The following MTHFD1 variants were observed in gnomAD, a reference collection of about 807,000 sequenced individuals.
MTHFD1 encodes the protein methylenetetrahydrofolate dehydrogenase, cyclohydrolase and formyltetrahydrofolate synthetase 1.
Under a neutral mutation model 110.3 loss-of-function variants are expected in MTHFD1, and 44 were observed. The ratio of observed to expected loss-of-function variants is 0.40; its 90% confidence interval spans 0.31 to 0.51. The LOEUF (loss-of-function observed/expected upper bound fraction) is 0.51, where lower values mean the gene tolerates loss of function less well. Ranked by LOEUF, MTHFD1 falls within the 20% of genes least tolerant of loss-of-function variation. MTHFD1 has a pLI of 0.60. For missense variants in MTHFD1, 909 were observed against 1,173.1 expected (o/e 0.77, Z 3.29); for synonymous variants, 402 against 428.8 (o/e 0.94, Z 0.77).
rs1282619030 is a variant in MTHFD1, at chr14:64,444,706, T to G, written c.2150T>G (p.Leu717Arg). 2.5e-6 allele frequency: 4 copies of G among 1,614,150 alleles called. No homozygotes were observed. Among genetic ancestry groups the G allele is most frequent in the Non-Finnish European group, 3.4e-6 (4 of 1,179,986 alleles). ...TTTTCCTTCCAGGTCACTGCTGGAC[T>G]GCCTCTTCCCAAGGCTTACATACAG... ...HGGGPTVTAG[L>R]PLPKAYIQEN... Residue 717 changes from leucine (L) to arginine (R), a missense_variant, in exon 22 of 28, where the codon CTG (leucine) becomes CGG (arginine). Leu to Arg is a moderately radical substitution (Grantham distance 102). Coordinates refer to ENST00000652337, the MANE Select transcript of MTHFD1 (RefSeq NM_005956.4).
chr14:64,426,087 T>C lies in MTHFD1; in HGVS notation c.1022T>C (p.Leu341Pro). ...AAGCTGGCTCGAGAAATTGGTCTGC[T>C]GTCTGAAGAGGTAGAATTATATGGT... ...IGKLAREIGL[L>P]SEEVELYGET... Residue 341 changes from leucine to proline, a missense_variant, in exon 11 of 28, where the codon CTG becomes CCG. Physicochemically the swap from Leu to Pro is moderately conservative, Grantham distance 98 (BLOSUM62 -3). Around this residue, in one of 3 missense-constraint regions of MTHFD1, gnomAD observed 424 missense variants for 510.4 expected, o/e 0.83. Transcript: ENST00000652337. 1 of 1,614,074 alleles carries C rather than the reference T, an allele frequency of 6.2e-7. No individual in the cohort carries two copies. The highest frequency in any genetic ancestry group is 8.5e-7 in the Non-Finnish European group (1 of 1,180,048).
At chr14:64,421,996 A>G (rs1001124852) in intron 8 of MTHFD1, among the ~76,000 whole-genome samples, 2 of 151,928 alleles carry the variant, frequency 1.3e-5, no homozygotes, top group East Asian at 1.9e-4. Flanking sequence ...TTTGGATTAC[A>G]TGTGAGAAAT....
chr14:64,446,958 A>T (rs1234045948), intron 22 of MTHFD1, among the ~76,000 whole-genome samples: 1 of 151,578 alleles, frequency 6.6e-6, no homozygotes, highest in Admixed American at 6.6e-5. Context: ...CCCCGCTTCA[A>T]CCTCCCAACT....
At chr14:64,431,034 C>T (rs1305325936) in intron 13 of MTHFD1, among the ~76,000 whole-genome samples, 1 of 151,342 alleles carries the variant, frequency 6.6e-6, no homozygotes, top group East Asian at 1.9e-4. Context: ...CTTCTGTGGA[C>T]AGATAATTAG....
At chr14:64,388,648 A>G in intron 1 of MTHFD1, 180 bp downstream of exon 1, 2 of 695,402 alleles carry the variant, frequency 2.9e-6, no homozygotes, top group South Asian at 3.2e-5. Context: ...TTGCAAGTGG[A>G]CTGCCTAGTG....
chr14:64,409,363 G>A (rs1479241317), intron 2 of MTHFD1, among the ~76,000 whole-genome samples: 1 of 152,204 alleles, frequency 6.6e-6, no homozygotes, highest in East Asian at 1.9e-4. Context: ...CTTGAAACAT[G>A]AATGAAGATA....
chr14:64,440,424 A>T (rs1202664246), intron 18 of MTHFD1, 158 bp downstream of exon 18: 3 of 919,622 alleles, frequency 3.3e-6, no homozygotes, highest in South Asian at 2.8e-5. Context: ...TAATTATGAA[A>T]TGTTTAAAAA....
intron 15 of MTHFD1, among the ~76,000 whole-genome samples, chr14:64,432,239 A>G (rs1395345680): frequency 6.6e-6 from 1 of 152,168 alleles, no homozygotes; most frequent in Non-Finnish European, 1.5e-5. Context: ...CTTGTCTGTA[A>G]AATAATACTT....
intron 2 of MTHFD1, among the ~76,000 whole-genome samples, chr14:64,410,093 C>T (rs1013417351): frequency 2.0e-5 from 3 of 152,098 alleles, no homozygotes; most frequent in African/African-American, 7.2e-5. Flanking sequence ...TAAAATTTTA[C>T]AAATAAATGG....
At chr14:64,438,030 CA>C (rs2078219868) in intron 16 of MTHFD1, among the ~76,000 whole-genome samples, 1 of 152,196 alleles carries the variant, frequency 6.6e-6, no homozygotes. Flanking sequence ...TGCACCACCA[CA>C]CCCGGCTAAT....
intron 24 of MTHFD1, among the ~76,000 whole-genome samples, chr14:64,453,248 A>G (rs1450672190): frequency 1.3e-5 from 2 of 152,088 alleles, no homozygotes; most frequent in East Asian, 3.9e-4. Flanking sequence ...GGACATTTTC[A>G]CTTATAAAAT....
rs1373276327 is a variant in MTHFD1, at chr14:64,411,123, A to C, written c.160A>C (p.Asn54His). Residue 54 changes from asparagine to histidine, a missense_variant, in exon 3 of 28, where the codon AAT (asparagine) becomes CAT (histidine). Transcript: ENST00000652337. ...GNRDDSNLYI[N>H]VKLKAAEEIG... is the part of the protein sequence containing the mutation. ...CAGAGATGATTCCAATCTTTATATAAATGTGAAGCTGAAGGCTGCTGAAGA... is the reference window on the plus strand; with the variant it reads ...CAGAGATGATTCCAATCTTTATATACATGTGAAGCTGAAGGCTGCTGAAGA... 1.9e-6 allele frequency: 3 copies of C among 1,613,232 alleles called. No homozygotes were observed. The highest frequency in any genetic ancestry group is 2.5e-6 in the Non-Finnish European group (3 of 1,179,746).
At chr14:64,397,175 ATATATATATATATAT>A (rs1209556598) in intron 1 of MTHFD1, among the ~76,000 whole-genome samples, 10 of 20,288 alleles carry the variant, frequency 4.9e-4, no homozygotes, top group African/African-American at 8.8e-4. Flanking sequence ...ATATATATAT[ATATATATATATATAT>A]AAAAAACAGT....
At chr14:64,415,561 AATACAGC>A in intron 5 of MTHFD1, 67 bp downstream of exon 5, 1 of 1,613,344 alleles carries the variant, frequency 6.2e-7, no homozygotes, top group Non-Finnish European at 8.5e-7. Flanking sequence ...CTATTTGGGG[AATACAGC>A]ATAAATGTTT....
intron 24 of MTHFD1, among the ~76,000 whole-genome samples, chr14:64,452,453 A>C (rs2078388510): frequency 6.6e-6 from 1 of 152,048 alleles, no homozygotes; most frequent in African/African-American, 2.4e-5. Flanking sequence ...TTCTCTTTGA[A>C]TCTTAATGCC....
chr14:64,419,731 A>C, intron 7 of MTHFD1, 83 bp from the exon 8 acceptor site: 4 of 895,004 alleles, frequency 4.5e-6, no homozygotes, highest in Non-Finnish European at 5.6e-6. Context: ...TACAAAGCTC[A>C]GGGATATCCT....
chr14:64,391,494 C>T (rs1468780404), intron 1 of MTHFD1, among the ~76,000 whole-genome samples: 1 of 152,124 alleles, frequency 6.6e-6, no homozygotes, highest in East Asian at 1.9e-4. Flanking sequence ...TACAGTCTTC[C>T]TCTCATTAGC....
chr14:64,433,305 G>C (rs560494572), intron 15 of MTHFD1, among the ~76,000 whole-genome samples: 3 of 152,144 alleles, frequency 2.0e-5, no homozygotes, highest in South Asian at 4.1e-4. Context: ...TTTTAGTAGA[G>C]AGAAGGTTTC....
chr14:64,434,044 G>C (rs887342781), intron 15 of MTHFD1, among the ~76,000 whole-genome samples: 6 of 151,976 alleles, frequency 3.9e-5, no homozygotes. Flanking sequence ...AATTGGGTTT[G>C]TGTTTTACAA....
Sources: gnomAD v4.1 joint callset for allele counts (sites outside exome capture counted in the v4.1 genomes callset) on GRCh38, gnomAD v4.1.1 for gene constraint, gnomAD v4.1.1 regional missense constraint, MANE v1.5 for transcripts, NCBI Gene and HGNC (gene_info 2026-07-23, HGNC 2026-07-21) for gene names.